Variants in ZDHHC17 observed in about 807,000 individuals in gnomAD.
The protein encoded by ZDHHC17 is palmitoyltransferase ZDHHC17.
In ZDHHC17, 40 loss-of-function variants were observed where a neutral mutation model predicts 90.3. The observed-to-expected ratio is 0.44, with a 90% CI of 0.34 to 0.58. The LOEUF (loss-of-function observed/expected upper bound fraction) is 0.58. Ranked by LOEUF, ZDHHC17 falls within the 20% of genes least tolerant of loss-of-function variation. The pLI is 0.01. For synonymous variants in ZDHHC17, 235 were observed against 252.4 expected (o/e 0.93, Z 0.65); for missense variants, 614 against 780.8 (o/e 0.79, Z 2.55).
intron 3 of ZDHHC17, among the ~76,000 whole-genome samples, chr12:76,808,280 T>C (rs1349001134): frequency 6.6e-6 from 1 of 152,194 alleles, no homozygotes; most frequent in African/African-American, 2.4e-5. Flanking sequence ...GCGTTAATTA[T>C]TCCCAAAGAA....
intron 1 of ZDHHC17, among the ~76,000 whole-genome samples, chr12:76,784,435 A>G (rs12367399): frequency 0.012 from 1,779 of 152,336 alleles, 12 homozygotes; most frequent in Non-Finnish European, 0.018. Context: ...CAATGCCCCA[A>G]AGAAATCAGC....
intron 7 of ZDHHC17, among the ~76,000 whole-genome samples, chr12:76,821,356 AGTT>A (rs964494838): frequency 2.3e-4 from 35 of 152,008 alleles, no homozygotes; most frequent in Non-Finnish European, 1.6e-4. Context: ...GTTTTGTAAT[AGTT>A]GTTGCTGTTG....
chr12:76,811,667 A>G (rs1449742854), intron 5 of ZDHHC17, among the ~76,000 whole-genome samples: 1 of 152,024 alleles, frequency 6.6e-6, no homozygotes, highest in Non-Finnish European at 1.5e-5. Context: ...ATAAATGTTT[A>G]TTATGAAATA....
chr12:76,842,095 C>A lies in ZDHHC17; in HGVS notation c.1255C>A (p.Gln419Lys). The part of the protein sequence containing the change: ...DPGIIKATEE[Q>K]KKKTIVELAE... ...AGGGATTATTAAAGCAACAGAAGAG[C>A]AAAAGAAAAAGGTAGCAAAATACCA... Residue 419 changes from glutamine (Q) to lysine (K), a missense_variant, in exon 11 of 17, where the codon CAA becomes AAA. Physicochemically the swap from Gln to Lys is moderately conservative, Grantham distance 53. Transcript: ENST00000426126. The A allele has an allele frequency of 6.4e-7, 1 of 1,571,238 alleles. No homozygotes were observed. Among genetic ancestry groups the A allele is most frequent in the Non-Finnish European group, 8.6e-7 (1 of 1,162,622 alleles).
chr12:76,844,512 C>G (rs932213104), intron 12 of ZDHHC17: 1 of 152,064 alleles, frequency 6.6e-6, no homozygotes, highest in Non-Finnish European at 1.5e-5. Context: ...GTAAGTGATC[C>G]AAGGAACCTT....
intron 10 of ZDHHC17, chr12:76,841,071 A>G (rs920216792): frequency 1.3e-5 from 2 of 152,228 alleles, no homozygotes; most frequent in Admixed American, 6.5e-5. Flanking sequence ...GGATTGGAGA[A>G]AAAAGGAAAA....
chr12:76,840,802 T>C (rs1725253156), intron 10 of ZDHHC17, among the ~76,000 whole-genome samples: 2 of 152,198 alleles, frequency 1.3e-5, no homozygotes, highest in Admixed American at 1.3e-4. Flanking sequence ...TTCAAATATG[T>C]AGTCATATAT....
At chr12:76,829,812 T>C (rs1378404125) in intron 10 of ZDHHC17, among the ~76,000 whole-genome samples, 3 of 152,170 alleles carry the variant, frequency 2.0e-5, no homozygotes, top group East Asian at 1.9e-4. Flanking sequence ...TTGAGCAAAT[T>C]AACAGTGTAG....
intron 1 of ZDHHC17, among the ~76,000 whole-genome samples, chr12:76,788,031 C>T (rs563474034): frequency 2.0e-5 from 3 of 152,268 alleles, no homozygotes; most frequent in South Asian, 2.1e-4. Context: ...GTGATGATCA[C>T]GTCTGTGCAT....
At chr12:76,839,278 G>A (rs1953403677) in intron 10 of ZDHHC17, among the ~76,000 whole-genome samples, 1 of 152,224 alleles carries the variant, frequency 6.6e-6, no homozygotes. Flanking sequence ...CACATCTACA[G>A]TTTTTCATAC....
chr12:76,827,118 AAATT>A (rs763025075), intron 9 of ZDHHC17, 68 bp downstream of exon 9: 139 of 1,445,402 alleles, frequency 9.6e-5, no homozygotes, highest in Middle Eastern at 4.8e-4. Context: ...CTCTTGTATA[AAATT>A]AATGTTTGTA....
intron 1 of ZDHHC17, among the ~76,000 whole-genome samples, chr12:76,792,145 C>T (rs1042096232): frequency 6.6e-6 from 1 of 152,104 alleles, no homozygotes; most frequent in East Asian, 1.9e-4. Flanking sequence ...TAGTCACCAG[C>T]CCCCTCCTGA....
intron 10 of ZDHHC17, 21 bp downstream of exon 10, chr12:76,828,511 T>C: frequency 6.2e-7 from 1 of 1,606,518 alleles, no homozygotes; most frequent in South Asian, 1.1e-5. Flanking sequence ...GTTATAAAGA[T>C]CATACCAAAA....
intron 1 of ZDHHC17, among the ~76,000 whole-genome samples, chr12:76,777,945 G>C (rs1952577391): frequency 6.6e-6 from 1 of 152,092 alleles, no homozygotes; most frequent in Non-Finnish European, 1.5e-5. Context: ...GGAGGGGAGA[G>C]AGAAAAAGAG....
chr12:76,797,512 A>C lies in ZDHHC17; in HGVS notation c.172A>C (p.Thr58Pro). ...GRKTHIDDYS[T>P]WDIVKATQYG... The stretch of plus-strand genomic sequence containing the variant: ...GAAAACTCATATTGATGATTACAGC[A>C]CATGGGACATAGTCAAGGCTACACA... The change falls in exon 2 of 17, where the codon ACA becomes CCA. Residue 58 changes from threonine (T) to proline (P), a missense_variant. Around this residue, in one of 5 missense-constraint regions of ZDHHC17, gnomAD observed 358 missense variants for 380.4 expected, o/e 0.94. Transcript: ENST00000426126. 6.2e-7 allele frequency: 1 copy of C among 1,609,216 alleles called. No individual in the cohort carries two copies.
intron 1 of ZDHHC17, among the ~76,000 whole-genome samples, chr12:76,792,989 A>G (rs1952777728): frequency 6.6e-6 from 1 of 152,182 alleles, no homozygotes; most frequent in Non-Finnish European, 1.5e-5. Flanking sequence ...CTGGATCATG[A>G]TCAAATAAGG....
intron 10 of ZDHHC17, among the ~76,000 whole-genome samples, chr12:76,831,226 A>G (rs530681886): frequency 9.8e-5 from 15 of 152,346 alleles, no homozygotes; most frequent in Middle Eastern, 3.4e-3. Context: ...AAAGTGCTAA[A>G]TAAGTGCACC....
chr12:76,772,983 C>G (rs188380617), intron 1 of ZDHHC17, among the ~76,000 whole-genome samples: 3 of 150,914 alleles, frequency 2.0e-5, no homozygotes, highest in Non-Finnish European at 3.0e-5. Flanking sequence ...CAGCCTCCCT[C>G]CCGAGTACCT....
chr12:76,800,395 T>TA, intron 2 of ZDHHC17, among the ~76,000 whole-genome samples: 1 of 152,352 alleles, frequency 6.6e-6, no homozygotes, highest in South Asian at 2.1e-4. Flanking sequence ...TGTGTTTCCT[T>TA]ACTTACGTCT....
Sources: gnomAD v4.1 joint callset for allele counts (sites outside exome capture counted in the v4.1 genomes callset) on GRCh38, gnomAD v4.1.1 for gene constraint, gnomAD v4.1.1 regional missense constraint, MANE v1.5 for transcripts, NCBI Gene and HGNC (gene_info 2026-07-23, HGNC 2026-07-21) for gene names.